Variants in LIPG observed in about 807,000 individuals in gnomAD.
The protein encoded by LIPG is endothelial lipase.
Under a neutral mutation model 51.8 loss-of-function variants are expected in LIPG, and 34 were observed. The observed-to-expected ratio is 0.66, with a 90% confidence interval of 0.50 to 0.87. The LOEUF (loss-of-function observed/expected upper bound fraction) is 0.87, where lower values mean the gene tolerates loss of function less well. Among genes scored for constraint, LIPG ranks in the 40% least tolerant of loss-of-function variants. LIPG has a pLI of 0.00. For missense variants in LIPG, 580 were observed against 652.7 expected (o/e 0.89, Z 1.21); for synonymous variants, 246 against 246.1 (o/e 1.00, Z 0.00).
chr18:49,595,567 C>T lies in LIPG; in HGVS notation c.*5045C>T, dbSNP rs991274450. 6.6e-6 allele frequency: 1 copy of T among 152,220 alleles called. No individual in the cohort carries two copies. The highest frequency in any genetic ancestry group is 1.9e-4 in the East Asian group (1 of 5,202). The allele number at this position is 152,220 out of a possible 1,614,324, so 9.4% of individuals were successfully genotyped here. A position where few individuals can be genotyped will look rare whatever the true frequency, so the allele number is the denominator to read the frequency against. ...AATCCTGGGTGGGCACGGTGGCTCA[C>T]CCCTGTAATCTCAGCACTTTGGGAG... On this transcript the variant is annotated 3_prime_UTR_variant, in exon 10 of 10. Coordinates refer to ENST00000261292, the MANE Select transcript of LIPG (RefSeq NM_006033.4).
At chr18:49,585,961 T>G (rs1394425223) in intron 8 of LIPG, among the ~76,000 whole-genome samples, 1 of 152,190 alleles carries the variant, frequency 6.6e-6, no homozygotes, top group African/African-American at 2.4e-5. Context: ...TCCTTAGGGC[T>G]TCCTGGGAAA....
At chr18:49,578,495 T>TA (rs1230731550) in intron 5 of LIPG, among the ~76,000 whole-genome samples, 1 of 118,728 alleles carries the variant, frequency 8.4e-6, no homozygotes, top group African/African-American at 3.5e-5. Flanking sequence ...CCTCACTTCC[T>TA]AGATGGGATG....
chr18:49,562,561 C>T (rs1207542044), intron 1 of LIPG, among the ~76,000 whole-genome samples, 156 bp downstream of exon 1: 3 of 152,266 alleles, frequency 2.0e-5, no homozygotes, highest in African/African-American at 7.2e-5. Context: ...GTCCACCTGT[C>T]TCTCTGCTGG....
At chr18:49,583,502 G>A in intron 7 of LIPG, 54 bp from the exon 8 acceptor site, 7 of 1,485,900 alleles carry the variant, frequency 4.7e-6, no homozygotes, top group South Asian at 4.5e-5. Context: ...CCCACACAGT[G>A]TGGCAGTTTT....
In LIPG at chr18:49,596,247, G is replaced by T. The variant is rs2084981588; in HGVS notation, c.*5725G>T. The T allele has an allele frequency of 6.6e-6, 1 of 152,018 alleles. No homozygotes were observed. The highest frequency in any genetic ancestry group is 1.5e-5 in the Non-Finnish European group (1 of 68,012). The allele number at this position is 152,018 out of a possible 1,614,324, so 9.4% of individuals were successfully genotyped here. A position where few individuals can be genotyped will look rare whatever the true frequency, so the allele number is the denominator to read the frequency against. On this transcript the variant is annotated 3_prime_UTR_variant, in exon 10 of 10. Coordinates refer to ENST00000261292, the MANE Select transcript of LIPG (RefSeq NM_006033.4). ...ATTATGAAATATAAATTCAAAACCT[G>T]TATAAAAACTGAAAAAATGTAAAAC...
intron 6 of LIPG, 44 bp downstream of exon 6, chr18:49,581,701 A>G (rs762297634): frequency 3.1e-6 from 5 of 1,603,832 alleles, no homozygotes; most frequent in Non-Finnish European, 1.7e-6. Context: ...GGCCCTTAAT[A>G]CCTCCTTCTT....
rs980923477 is a variant in LIPG, at chr18:49,594,044, T to C, written c.*3522T>C. 1 of 152,238 alleles carries C rather than the reference T, an allele frequency of 6.6e-6. No homozygotes were observed. Among genetic ancestry groups the C allele is most frequent in the African/African-American group, 2.4e-5 (1 of 41,460 alleles). The allele number at this position is 152,238 out of a possible 1,614,324, so 9.4% of individuals were successfully genotyped here. ...CTAGTTACTTGAAACCATATTTTAT[T>C]AACTCTAGTTTTACCCTTCAGTGGT... On this transcript the variant is annotated 3_prime_UTR_variant, in exon 10 of 10. Coordinates refer to ENST00000261292, the MANE Select transcript of LIPG (RefSeq NM_006033.4).
At chr18:49,579,242 A>C (rs1171109660) in intron 5 of LIPG, among the ~76,000 whole-genome samples, 1 of 127,386 alleles carries the variant, frequency 7.9e-6, no homozygotes, top group Non-Finnish European at 1.7e-5. Flanking sequence ...GAGAGGGCTC[A>C]CCGGATACAC....
At chr18:49,566,256 G>T (rs188410690) in intron 2 of LIPG, among the ~76,000 whole-genome samples, 1 of 152,146 alleles carries the variant, frequency 6.6e-6, no homozygotes, top group African/African-American at 2.4e-5. Flanking sequence ...GGAGAGGGTA[G>T]GTGCCTGCCT....
rs868285335 is a variant in LIPG at position 49,577,785 on chromosome 18, A to G, written c.793+2195A>G. 4.8e-4 allele frequency among the ~76,000 whole-genome samples: 40 copies of G among 83,492 alleles called. 1 individual carries two copies. The highest frequency in any genetic ancestry group is 6.7e-4 in the East Asian group (2 of 2,964). The allele number at this position is 83,492 out of a possible 152,430, so 54.8% of individuals were successfully genotyped here. On this transcript the variant is annotated intron_variant, in intron 5 of 9. Transcript: ENST00000261292. ...TCCCTCCCGGATGGGGCGGCTGGCC[A>G]GGCGGGGGGCTGACCCCCCCACCTC...
rs534327327 is a variant in LIPG at position 49,592,248 on chromosome 18, G to A, written c.*1726G>A. ...TTCAAGATATGTTCTCAAGCCAATT[G>A]TGTGCTTCTCTTGTTTCTGTGATTG... On this transcript the variant is annotated 3_prime_UTR_variant, in exon 10 of 10. Coordinates refer to ENST00000261292, the MANE Select transcript of LIPG (RefSeq NM_006033.4). The A allele has an allele frequency of 2.6e-5, 4 of 152,314 alleles. No homozygotes were observed. The highest frequency in any genetic ancestry group is 9.6e-5 in the African/African-American group (4 of 41,572). 9.4% of individuals were successfully genotyped at this position (152,314 alleles called of 1,614,324 possible). A position where few individuals can be genotyped will look rare whatever the true frequency, so the allele number is the denominator to read the frequency against.
rs529378913 is a variant in LIPG, at chr18:49,569,021, G to A, written c.460-416G>A. On this transcript the variant is annotated intron_variant, in intron 3 of 9. Transcript: ENST00000261292. ...TTGGCAGCTCCTGGGGCTGGGTGGA[G>A]GTCAGGCCTTAGAGGGCAGGCAGAG... Among the ~76,000 whole-genome samples, 55 of 152,274 alleles carry A rather than the reference G, an allele frequency of 3.6e-4. 1 individual carries two copies. The highest frequency in any genetic ancestry group is 1.2e-3 in the South Asian group (6 of 4,822).
Position 49,562,218 on chromosome 18 carries a change from G to C in LIPG, c.-91G>C. 1 of 1,605,510 alleles carries C rather than the reference G, an allele frequency of 6.2e-7. No homozygotes were observed. Among genetic ancestry groups the C allele is most frequent in the Non-Finnish European group, 8.5e-7 (1 of 1,177,916 alleles). ...TCCCCCAGCCCCTGGCCGAGAGAAG[G>C]GTCTTACCGGCCGGGATTGCTGGAA... is the stretch of plus-strand genomic sequence containing the variant. On this transcript the variant is annotated 5_prime_UTR_variant, in exon 1 of 10. Coordinates refer to ENST00000261292, the MANE Select transcript of LIPG (RefSeq NM_006033.4).
upstream of LIPG, chr18:49,561,566 G>C: frequency 2.7e-6 from 2 of 753,422 alleles, no homozygotes; most frequent in Non-Finnish European, 3.6e-6. Context: ...CGCTAGGCGG[G>C]AAGGGAGGGA....
rs1257563050 is a variant in LIPG at position 49,598,060 on chromosome 18, T to C, written c.*7538T>C. On this transcript the variant is annotated 3_prime_UTR_variant, in exon 10 of 10. Coordinates refer to ENST00000261292, the MANE Select transcript of LIPG (RefSeq NM_006033.4). ...TCCTCTATTAGATACACAGAGCTTC[T>C]TCCTTCTGCTTAGGCTGCCCCAAAT... The C allele has an allele frequency of 6.6e-6, 1 of 152,224 alleles. No homozygotes were observed. The highest frequency in any genetic ancestry group is 2.4e-5 in the African/African-American group (1 of 41,442). 9.4% of individuals were successfully genotyped at this position (152,224 alleles called of 1,614,324 possible). A position where few individuals can be genotyped will look rare whatever the true frequency, so the allele number is the denominator to read the frequency against.
rs2084983131 is a variant in LIPG at position 49,596,539 on chromosome 18, G to A, written c.*6017G>A. ...AATCCCAGCTACTTGGGAGGCTGAG[G>A]TAGGAAAATCACTTGAACCCAGAAG... is the stretch of plus-strand genomic sequence containing the variant. On this transcript the variant is annotated 3_prime_UTR_variant, in exon 10 of 10. Coordinates refer to ENST00000261292, the MANE Select transcript of LIPG (RefSeq NM_006033.4). The A allele has an allele frequency of 6.8e-6, 1 of 147,518 alleles. No individual in the cohort carries two copies. Among genetic ancestry groups the A allele is most frequent in the Non-Finnish European group, 1.5e-5 (1 of 67,336 alleles). 9.1% of individuals were successfully genotyped at this position (147,518 alleles called of 1,614,324 possible).
upstream of LIPG, chr18:49,562,015 T>C: frequency 7.0e-7 from 1 of 1,421,946 alleles, no homozygotes; most frequent in Non-Finnish European, 9.2e-7. Flanking sequence ...ATGGGTCAGA[T>C]GACTCCCATA....
In LIPG at chr18:49,566,761, A is replaced by G. The variant is rs144167213; in HGVS notation, c.280-681A>G. 3.9e-3 allele frequency among the ~76,000 whole-genome samples: 586 copies of G among 151,786 alleles called. 3 individuals are homozygous for G. The highest frequency in any genetic ancestry group is 0.013 in the African/African-American group (540 of 41,380). On this transcript the variant is annotated intron_variant, in intron 2 of 9. Transcript: ENST00000261292. ...AAGAGAGAAGCAATTTTCCAGGGCA[A>G]CCCTCCCTAGCTGCCTTTGAAGGAT...
chr18:49,590,485 A>T lies in LIPG; in HGVS notation c.1482-16A>T. On this transcript the variant is annotated splice_polypyrimidine_tract_variant and intron_variant, in intron 9 of 9. Transcript: ENST00000261292. ...GTGTGAGCTAACAAATGCCACTCTC[A>T]CACGGTTTCTTTCAGTCCCACTGTG... 2 of 1,599,856 alleles carry T rather than the reference A, an allele frequency of 1.3e-6. No homozygotes were observed. Among genetic ancestry groups the T allele is most frequent in the Non-Finnish European group, 1.7e-6 (2 of 1,171,682 alleles).
Sources: allele counts gnomAD v4.1 joint callset (sites outside exome capture counted in the v4.1 genomes callset), GRCh38; gene constraint gnomAD v4.1.1; transcripts MANE v1.5; gene names NCBI Gene and HGNC (gene_info 2026-07-23, HGNC 2026-07-21).